The following GRK2 variants were observed in gnomAD, a reference collection of about 807,000 sequenced individuals.
GRK2 encodes the protein G protein-coupled receptor kinase 2, also known as adrenergic beta receptor kinase 1.
In GRK2, 23 loss-of-function variants were observed where a neutral mutation model predicts 97.8. The observed-to-expected ratio is 0.24, with a 90% CI of 0.17 to 0.33. GRK2 has a LOEUF of 0.33. GRK2 is among the 10% of genes least tolerant of loss of function. The pLI, the probability that GRK2 is intolerant of heterozygous loss-of-function variation, is 1.00. For missense variants in GRK2, 633 were observed against 956.9 expected, an observed-to-expected ratio of 0.66 and a Z score of 4.47; for synonymous variants, 425 against 381.7, an observed-to-expected ratio of 1.11 and a Z score of -1.32.
rs1029566296 is a variant in GRK2 at position 67,286,462 on chromosome 11, T to C, written c.*1012T>C. The C allele has an allele frequency of 1.4e-6, 1 of 700,830 alleles. No individual in the cohort carries two copies. The highest frequency in any genetic ancestry group is 1.7e-5 in the African/African-American group (1 of 57,216). 43.4% of individuals were successfully genotyped at this position (700,830 alleles called of 1,614,324 possible). On this transcript the variant is annotated 3_prime_UTR_variant, in exon 21 of 21. Coordinates refer to ENST00000308595, the MANE Select transcript of GRK2 (RefSeq NM_001619.5). ...GGTTGGCGCACCCTCCCCTCCCGTCTACTCATTCCCCGGGGCGTTTCTTTG... is the reference window on the plus strand; with the variant it reads ...GGTTGGCGCACCCTCCCCTCCCGTCCACTCATTCCCCGGGGCGTTTCTTTG...
intron 1 of GRK2, among the ~76,000 whole-genome samples, chr11:67,267,864 C>T (rs574027229): frequency 3.7e-4 from 57 of 152,328 alleles, no homozygotes; most frequent in African/African-American, 1.2e-3. Context: ...TGGCCTGCCC[C>T]GAGTCACACA....
At chr11:67,268,600 G>A (rs1859844948) in intron 1 of GRK2, among the ~76,000 whole-genome samples, 1 of 152,140 alleles carries the variant, frequency 6.6e-6, no homozygotes, top group Non-Finnish European at 1.5e-5. Flanking sequence ...GCCTTTTCTG[G>A]AACTGTCTGC....
At position 67,282,441 on chromosome 11, in the gene GRK2, C is replaced by A. The variant is rs1160872698; in HGVS notation, c.1059C>A (p.Thr353=). 24 of 1,613,606 alleles carry A rather than the reference C, an allele frequency of 1.5e-5. No individual in the cohort carries two copies. Among genetic ancestry groups the A allele is most frequent in the Non-Finnish European group, 2.0e-5 (24 of 1,179,912 alleles). Reference sequence around the variant, plus strand: ...GGCCCCCTTGCTCCCACAGGGGCACCCACGGGTACATGGCTCCGGAGGTCC... The same window carrying A: ...GGCCCCCTTGCTCCCACAGGGGCACACACGGGTACATGGCTCCGGAGGTCC... ...SKKKPHASVG[T]HGYMAPEVLQ... Residue 353 remains threonine, a synonymous_variant, in exon 13 of 21, where the codon ACC becomes ACA. Transcript: ENST00000308595. The surrounding 1 kb of genome is among the most constrained non-coding windows in gnomAD (Gnocchi z 6.9).
At chr11:67,272,511 C>G (rs1051455149) in intron 1 of GRK2, among the ~76,000 whole-genome samples, 3 of 152,236 alleles carry the variant, frequency 2.0e-5, no homozygotes, top group Admixed American at 2.0e-4. Context: ...CTTTGCATTT[C>G]TTCTGAACCA....
chr11:67,270,318 C>A (rs1281917254), intron 1 of GRK2, among the ~76,000 whole-genome samples: 1 of 152,182 alleles, frequency 6.6e-6, no homozygotes, highest in African/African-American at 2.4e-5. Context: ...GTGACAGTGG[C>A]AGCCCCAGCA....
rs577748709 is a variant in GRK2, at chr11:67,282,459, G to A, written c.1077G>A (p.Pro359=). Residue 359 remains proline, a synonymous_variant, in exon 13 of 21, where the codon CCG becomes CCA. Coordinates refer to ENST00000308595, the MANE Select transcript of GRK2 (RefSeq NM_001619.5). The surrounding 1 kb of genome is among the most constrained non-coding windows in gnomAD (Gnocchi z 6.9). ...ASVGTHGYMA[P]EVLQKGVAYD... Reference sequence around the variant, plus strand: ...GGGGCACCCACGGGTACATGGCTCCGGAGGTCCTGCAGAAGGGCGTGGCCT... The same window carrying A: ...GGGGCACCCACGGGTACATGGCTCCAGAGGTCCTGCAGAAGGGCGTGGCCT... The A allele has an allele frequency of 1.4e-5, 23 of 1,605,794 alleles. No individual in the cohort carries two copies. Among genetic ancestry groups the A allele is most frequent in the East Asian group, 1.1e-4 (5 of 44,240 alleles).
rs201406998 is a variant in GRK2 at position 67,281,050 on chromosome 11, G to A, written c.556-43G>A. The A allele has an allele frequency of 9.0e-6, 14 of 1,559,906 alleles. No homozygotes were observed. In the African/African-American group the frequency reaches 1.4e-4, roughly 15 times the overall value. On this transcript the variant is annotated intron_variant, in intron 7 of 20. Coordinates refer to ENST00000308595, the MANE Select transcript of GRK2 (RefSeq NM_001619.5). The surrounding 1 kb of genome is among the most constrained non-coding windows in gnomAD (Gnocchi z 5.7). ...CCAGGTGCCTCTGCCCCAGGGCTGG[G>A]CAGAGGCAGCCTGTGGTGACCGCAG...
At chr11:67,279,573 G>C (rs1426753142) in intron 4 of GRK2, 53 bp from the exon 5 acceptor site, 5 of 1,612,296 alleles carry the variant, frequency 3.1e-6, no homozygotes, top group Non-Finnish European at 4.2e-6. Context: ...TGCAGATTGG[G>C]AGGGGAAGAG....
At position 67,283,806 on chromosome 11, in the gene GRK2, T is replaced by C. The variant is rs1186454941; in HGVS notation, c.1395+33T>C. 8 of 1,608,634 alleles carry C rather than the reference T, an allele frequency of 5.0e-6. No individual in the cohort carries two copies. In the South Asian group the frequency reaches 7.7e-5, roughly 15 times the overall value. ...TCTGCGGCAGGGACTGGGGGTGCTC[T>C]GCAGCCCCACCCCCGAGCTAATGCC... On this transcript the variant is annotated intron_variant, in intron 16 of 20. Transcript: ENST00000308595.
At position 67,283,707 on chromosome 11, in the gene GRK2, G is replaced by A. The variant is rs554770983; in HGVS notation, c.1329G>A (p.Gly443=). The part of the protein sequence containing the change: ...VNRRLGCLGR[G]AQEVKESPFF... Reference sequence around the variant, plus strand: ...CCAGATGACTGGCCTCTCCCCACAGGGCTCAGGAGGTGAAAGAGAGCCCCT... The same window carrying A: ...CCAGATGACTGGCCTCTCCCCACAGAGCTCAGGAGGTGAAAGAGAGCCCCT... Residue 443 remains glycine, a splice_region_variant and synonymous_variant, in exon 16 of 21, where the codon GGG becomes GGA. Transcript: ENST00000308595. 6.2e-7 allele frequency: 1 copy of A among 1,613,216 alleles called. No homozygotes were observed. The highest frequency in any genetic ancestry group is 1.3e-5 in the African/African-American group (1 of 75,020).
Position 67,279,673 on chromosome 11 carries a change from G to A in GRK2, c.414G>A (p.Lys138=). 2 of 1,613,628 alleles carry A rather than the reference G, an allele frequency of 1.2e-6. No individual in the cohort carries two copies. Among genetic ancestry groups the A allele is most frequent in the South Asian group, 2.2e-5 (2 of 91,086 alleles). The change falls in exon 5 of 21, where the codon AAG becomes AAA. Residue 138 remains lysine, a synonymous_variant. Coordinates refer to ENST00000308595, the MANE Select transcript of GRK2 (RefSeq NM_001619.5). The part of the protein sequence containing the change: ...ATEHVQGHLG[K]KQVPPDLFQP... ...AGCATGTCCAAGGCCACCTGGGGAA[G>A]AAGCAGGTGCCTCCGGATCTCTTCC...
chr11:67,278,699 G>A (rs1484648238), intron 2 of GRK2, among the ~76,000 whole-genome samples: 1 of 152,224 alleles, frequency 6.6e-6, no homozygotes, highest in East Asian at 1.9e-4. Context: ...GAGGAGTGGT[G>A]TGGCCTCAGA....
At chr11:67,283,562 T>C in intron 15 of GRK2, 145 bp from the exon 16 acceptor site, 1 of 816,544 alleles carries the variant, frequency 1.2e-6, no homozygotes. Context: ...ATGTAGGAAC[T>C]TCTGTTCTCC....
Position 67,286,029 on chromosome 11 carries a change from C to G in GRK2, c.*579C>G. 1 of 287,236 alleles carries G rather than the reference C, an allele frequency of 3.5e-6. No individual in the cohort carries two copies. Among genetic ancestry groups the G allele is most frequent in the Non-Finnish European group, 6.6e-6 (1 of 151,110 alleles). 17.8% of individuals were successfully genotyped at this position (287,236 alleles called of 1,614,324 possible). ...CACTGGCTGCCTCCACTCCCACTTC[C>G]CTGACACTGCGGGGCTTGGCTGAGA... On this transcript the variant is annotated 3_prime_UTR_variant, in exon 21 of 21. Coordinates refer to ENST00000308595, the MANE Select transcript of GRK2 (RefSeq NM_001619.5).
chr11:67,270,447 ACCCTGC>A (rs1417221806), intron 1 of GRK2, among the ~76,000 whole-genome samples: 1 of 147,234 alleles, frequency 6.8e-6, no homozygotes, highest in Non-Finnish European at 1.5e-5. Flanking sequence ...GTCTCCCCAG[ACCCTGC>A]CCCTGTTCCT....
In GRK2 at chr11:67,285,406, A is replaced by G; in HGVS notation, c.2026A>G (p.Ser676Gly). 1 of 1,604,782 alleles carries G rather than the reference A, an allele frequency of 6.2e-7. No individual in the cohort carries two copies. The highest frequency in any genetic ancestry group is 8.5e-7 in the Non-Finnish European group (1 of 1,175,638). ...GCCGCGCTCGCCCGTGGTGGAGCTG[A>G]GCAAGGTGCCGCTGGTCCAGCGCGG... ...NKPRSPVVEL[S>G]KVPLVQRGSA... Residue 676 changes from serine (S) to glycine (G), a missense_variant, in exon 21 of 21, where the codon AGC (serine) becomes GGC (glycine). By Grantham distance (56) the Ser-to-Gly change is moderately conservative (BLOSUM62 0). This residue lies in a region of GRK2 where 180 missense variants were observed against 311.3 expected (regional missense o/e 0.58). Coordinates refer to ENST00000308595, the MANE Select transcript of GRK2 (RefSeq NM_001619.5).
chr11:67,279,940 G>A (rs765748675), intron 6 of GRK2, 40 bp downstream of exon 6: 1 of 1,596,874 alleles, frequency 6.3e-7, no homozygotes, highest in Non-Finnish European at 8.6e-7. Context: ...GGGGAGGGAG[G>A]GGCCGCTCTC....
At chr11:67,278,328 G>A (rs902026223) in intron 2 of GRK2, among the ~76,000 whole-genome samples, 2 of 152,208 alleles carry the variant, frequency 1.3e-5, no homozygotes, top group Non-Finnish European at 2.9e-5. Context: ...GAGGCCTGAG[G>A]AGGGCCTCTG....
Position 67,281,241 on chromosome 11 carries a change from C to A in GRK2, c.647+57C>A. 6.6e-7 allele frequency: 1 copy of A among 1,505,478 alleles called. No homozygotes were observed. Among genetic ancestry groups the A allele is most frequent in the South Asian group, 1.2e-5 (1 of 85,744 alleles). 93.3% of individuals were successfully genotyped at this position (1,505,478 alleles called of 1,614,324 possible). ...TCGGGGAGCCGGGCTCCTGGGGGAC[C>A]CTGACAGGCCGGGTTCCACACAGGG... On this transcript the variant is annotated intron_variant, in intron 8 of 20. Coordinates refer to ENST00000308595, the MANE Select transcript of GRK2 (RefSeq NM_001619.5). This position sits in a 1 kb window ranked among gnomAD's most constrained non-coding sequence, Gnocchi z 5.7.
Sources: gnomAD v4.1 joint callset for allele counts (sites outside exome capture counted in the v4.1 genomes callset) on GRCh38, gnomAD v4.1.1 for gene constraint, gnomAD v4.1.1 regional missense constraint, Gnocchi (gnomAD v3.1) non-coding constraint, MANE v1.5 for transcripts, NCBI Gene and HGNC (gene_info 2026-07-23, HGNC 2026-07-21) for gene names.